Variants in PTPRD observed in about 807,000 individuals in gnomAD.
PTPRD encodes the protein receptor-type tyrosine-protein phosphatase delta.
PTPRD carries 34 observed loss-of-function variants against 214.5 expected under a neutral mutation model. That is an observed-to-expected ratio of 0.16 (90% CI 0.12 to 0.21). The LOEUF (loss-of-function observed/expected upper bound fraction) is 0.21, where lower values mean the gene tolerates loss of function less well. Ranked by LOEUF, PTPRD falls within the 10% of genes least tolerant of loss-of-function variation. PTPRD has a pLI of 1.00. For synonymous variants in PTPRD, 1,128 were observed against 845.7 expected (o/e 1.33, Z -5.79); for missense variants, 2,545 against 2,398.7 (o/e 1.06, Z -1.27).
At chr9:9,966,043 G>A (rs944246907) in intron 4 of PTPRD, among the ~76,000 whole-genome samples, 3 of 152,130 alleles carry the variant, frequency 2.0e-5, no homozygotes, top group Admixed American at 6.6e-5. Context: ...GCTTGGGACT[G>A]CATAGAAGCA....
At chr9:9,358,472 G>C (rs936478321) in intron 9 of PTPRD, among the ~76,000 whole-genome samples, 6 of 151,138 alleles carry the variant, frequency 4.0e-5, no homozygotes, top group African/African-American at 1.5e-4. Flanking sequence ...TGTTCATCCA[G>C]GAAGAATTTG....
At chr9:10,349,768 A>G (rs2097151119) in intron 2 of PTPRD, among the ~76,000 whole-genome samples, 1 of 152,222 alleles carries the variant, frequency 6.6e-6, no homozygotes, top group South Asian at 2.1e-4. Context: ...AAAGAAGTCC[A>G]CATGATAATT....
intron 3 of PTPRD, among the ~76,000 whole-genome samples, chr9:10,072,546 C>A (rs528475474): frequency 2.0e-5 from 3 of 152,216 alleles, no homozygotes; most frequent in Admixed American, 2.0e-4. Context: ...GTTGCCACTG[C>A]TGGCTGGGGT....
chr9:9,695,267 C>G (rs1490569518), intron 7 of PTPRD, among the ~76,000 whole-genome samples: 1 of 152,122 alleles, frequency 6.6e-6, no homozygotes, highest in East Asian at 1.9e-4. Context: ...GAGCTATGTC[C>G]TCACAACTCT....
At chr9:9,511,460 G>C (rs80069335) in intron 8 of PTPRD, among the ~76,000 whole-genome samples, 4,568 of 151,628 alleles carry the variant, frequency 0.03, 218 homozygotes, top group African/African-American at 0.1. Flanking sequence ...TAAATATCTA[G>C]GCTGATAGAA....
chr9:8,534,375 C>G (rs942376059), intron 14 of PTPRD, among the ~76,000 whole-genome samples: 1 of 151,758 alleles, frequency 6.6e-6, no homozygotes. Flanking sequence ...GCTAAAAAAG[C>G]CCAGGAGTGA....
At chr9:10,245,985 T>A (rs1420817782) in intron 3 of PTPRD, among the ~76,000 whole-genome samples, 1 of 152,164 alleles carries the variant, frequency 6.6e-6, no homozygotes, top group African/African-American at 2.4e-5. Context: ...GAACATGAAA[T>A]AAGTTAAACC....
At chr9:9,030,900 A>G (rs958633800) in intron 10 of PTPRD, among the ~76,000 whole-genome samples, 2 of 151,986 alleles carry the variant, frequency 1.3e-5, no homozygotes, top group Admixed American at 6.6e-5. Context: ...ATTCATTCAT[A>G]TGGTTCTTAT....
At chr9:9,990,705 T>G (rs1290034278) in intron 4 of PTPRD, among the ~76,000 whole-genome samples, 1 of 152,198 alleles carries the variant, frequency 6.6e-6, no homozygotes, top group African/African-American at 2.4e-5. Context: ...GTTGCATTGA[T>G]TTTCTTAAAG....
intron 11 of PTPRD, among the ~76,000 whole-genome samples, chr9:8,851,706 A>T (rs921462799): frequency 6.6e-6 from 1 of 152,202 alleles, no homozygotes; most frequent in African/African-American, 2.4e-5. Context: ...ATAAATTTGT[A>T]TGATCAAACT....
chr9:9,693,023 A>C (rs1595384180), intron 7 of PTPRD, among the ~76,000 whole-genome samples: 1 of 152,158 alleles, frequency 6.6e-6, no homozygotes, highest in South Asian at 2.1e-4. Flanking sequence ...TTTTTGGTAG[A>C]GTCTTTAGGA....
intron 8 of PTPRD, among the ~76,000 whole-genome samples, chr9:9,499,969 A>T (rs541663489): frequency 6.6e-6 from 1 of 152,252 alleles, no homozygotes; most frequent in South Asian, 2.1e-4. Context: ...TTTGGAAGAG[A>T]ACTGTAAATT....
At chr9:9,933,126 C>T (rs1015080386) in intron 5 of PTPRD, among the ~76,000 whole-genome samples, 7 of 152,100 alleles carry the variant, frequency 4.6e-5, no homozygotes, top group African/African-American at 1.7e-4. Context: ...CAAAATCATG[C>T]CAAAATGTAA....
chr9:9,808,242 G>A (rs977826144), intron 5 of PTPRD, among the ~76,000 whole-genome samples: 8 of 152,122 alleles, frequency 5.3e-5, no homozygotes, highest in Non-Finnish European at 1.2e-4. Flanking sequence ...TTGGTCTGAT[G>A]AGCATTTCGA....
rs116143901 is a variant in PTPRD at position 9,347,473 on chromosome 9, C to T, written c.-203+49976G>A. ...GTTATGTTTTTATTTTCCTTTTTAT[C>T]CCTCAGGGTAAAACCATTTGCTAAG... On this transcript the variant is annotated intron_variant, in intron 9 of 45. Coordinates refer to ENST00000381196, the MANE Select transcript of PTPRD (RefSeq NM_002839.4). 5.9e-3 allele frequency among the ~76,000 whole-genome samples: 895 copies of T among 152,014 alleles called. 6 individuals carry two copies. The highest frequency in any genetic ancestry group is 0.021 in the African/African-American group (866 of 41,472).
intron 4 of PTPRD, among the ~76,000 whole-genome samples, chr9:9,992,387 T>A (rs2095970589): frequency 6.6e-6 from 1 of 152,344 alleles, no homozygotes; most frequent in Non-Finnish European, 1.5e-5. Context: ...TGGAAGCCAG[T>A]GTGGCGATTC....
At chr9:10,516,189 C>G (rs1217194034) in intron 2 of PTPRD, among the ~76,000 whole-genome samples, 1 of 151,830 alleles carries the variant, frequency 6.6e-6, no homozygotes, top group Non-Finnish European at 1.5e-5. Flanking sequence ...TATATTCCTA[C>G]TAACAGCGTT....
At chr9:10,060,827 T>C (rs34186399) in intron 3 of PTPRD, among the ~76,000 whole-genome samples, 29,934 of 119,592 alleles carry the variant, frequency 0.25, 5,139 homozygotes, top group South Asian at 0.33. Context: ...TTTCTTTCTT[T>C]CTTCCTTCCT....
At chr9:9,758,470 G>A (rs1403240127) in intron 6 of PTPRD, among the ~76,000 whole-genome samples, 1 of 152,134 alleles carries the variant, frequency 6.6e-6, no homozygotes, top group Non-Finnish European at 1.5e-5. Flanking sequence ...CTATAGAAGT[G>A]CCCTCAAGAA....
Sources: gnomAD v4.1 joint callset for allele counts (sites outside exome capture counted in the v4.1 genomes callset) on GRCh38, gnomAD v4.1.1 for gene constraint, MANE v1.5 for transcripts, NCBI Gene and HGNC (gene_info 2026-07-23, HGNC 2026-07-21) for gene names.